FBXO34: variants seen among roughly 807,000 people sequenced by gnomAD.
The protein encoded by FBXO34 is F-box only protein 34.
In FBXO34, 12 loss-of-function variants were observed where a neutral mutation model predicts 24.5. That is an observed-to-expected ratio of 0.49 (90% CI 0.31 to 0.79). The LOEUF (loss-of-function observed/expected upper bound fraction) is 0.79, where lower values mean the gene tolerates loss of function less well. Ranked by LOEUF, FBXO34 falls within the 30% of genes least tolerant of loss-of-function variation. FBXO34 has a pLI of 0.04. For synonymous variants in FBXO34, 320 were observed against 311.9 expected (o/e 1.03, Z -0.27); for missense variants, 823 against 857.7 (o/e 0.96, Z 0.51).
chr14:55,281,201 C>T (rs1437383885), intron 1 of FBXO34, among the ~76,000 whole-genome samples: 2 of 141,956 alleles, frequency 1.4e-5, no homozygotes, highest in Admixed American at 1.5e-4. Context: ...TTATGGTGAG[C>T]TATGATCGTG....
the FBXO34 span, among the ~76,000 whole-genome samples, chr14:55,382,770 A>G: frequency 4.6e-5 from 7 of 152,220 alleles, no homozygotes; most frequent in Non-Finnish European, 8.8e-5. Flanking sequence ...AGGGCTGAAC[A>G]TATAAGGTTC....
At chr14:55,424,953 G>A in the FBXO34 span, among the ~76,000 whole-genome samples, 2 of 152,176 alleles carry the variant, frequency 1.3e-5, no homozygotes, top group Non-Finnish European at 2.9e-5. Context: ...GGAAGTGAGA[G>A]GAGGTGAATA....
the FBXO34 span, among the ~76,000 whole-genome samples, chr14:55,428,117 A>ATTTTTT: frequency 1.7e-4 from 8 of 48,350 alleles, no homozygotes; most frequent in South Asian, 7.9e-4. Context: ...CACATGCCTT[A>ATTTTTT]TCTTTTTTTT....
At chr14:55,416,679 A>T in the FBXO34 span, among the ~76,000 whole-genome samples, 1 of 152,166 alleles carries the variant, frequency 6.6e-6, no homozygotes, top group Non-Finnish European at 1.5e-5. Context: ...CTAAACAGTG[A>T]GTTGGTGAAG....
rs867243031 is a variant in FBXO34, at chr14:55,331,813, T to C, written c.-10-18568T>C. On this transcript the variant is annotated intron_variant, in intron 1 of 1. Coordinates refer to ENST00000313833, the MANE Select transcript of FBXO34 (RefSeq NM_017943.4). ...GTGTATATATAAATATATATATATATACACCACCGGGGTGTATATATAAAA... is the reference window on the plus strand; with the variant it reads ...GTGTATATATAAATATATATATATACACACCACCGGGGTGTATATATAAAA... Among the ~76,000 whole-genome samples the C allele has an allele frequency of 1.8e-3, 124 of 67,664 alleles. 36 individuals are homozygous for C. The highest frequency in any genetic ancestry group is 0.014 in the Middle Eastern group (2 of 144). The allele number at this position is 67,664 out of a possible 152,430, so 44.4% of individuals were successfully genotyped here. A position where few individuals can be genotyped will look rare whatever the true frequency, so the allele number is the denominator to read the frequency against.
the FBXO34 span, chr14:55,414,405 T>G: frequency 6.2e-7 from 1 of 1,607,578 alleles, no homozygotes; most frequent in Non-Finnish European, 8.5e-7. Context: ...CCTTTTAGAA[T>G]AGGATAGATG....
chr14:55,428,117 A>ATTTTTTTTT, the FBXO34 span, among the ~76,000 whole-genome samples: 6 of 48,328 alleles, frequency 1.2e-4, no homozygotes, highest in East Asian at 8.5e-4. Flanking sequence ...CACATGCCTT[A>ATTTTTTTTT]TCTTTTTTTT....
chr14:55,301,722 A>G (rs1882363493), intron 1 of FBXO34, among the ~76,000 whole-genome samples: 1 of 152,196 alleles, frequency 6.6e-6, no homozygotes, highest in Non-Finnish European at 1.5e-5. Context: ...GTGGCCAGGG[A>G]TGTCATGCCC....
chr14:55,408,438 G>T, the FBXO34 span, among the ~76,000 whole-genome samples: 1 of 152,128 alleles, frequency 6.6e-6, no homozygotes, highest in Admixed American at 6.5e-5. Context: ...GGGTTACAGG[G>T]TGAGACCCTG....
At chr14:55,331,393 A>C (rs1883527235) in intron 1 of FBXO34, among the ~76,000 whole-genome samples, 1 of 151,920 alleles carries the variant, frequency 6.6e-6, no homozygotes, top group Non-Finnish European at 1.5e-5. Context: ...TATATCCAAA[A>C]GAAGAAATGT....
the FBXO34 span, among the ~76,000 whole-genome samples, chr14:55,422,826 C>T: frequency 6.6e-6 from 1 of 152,062 alleles, no homozygotes; most frequent in African/African-American, 2.4e-5. Flanking sequence ...ATAGTCCAGC[C>T]TGGGCAACAG....
At chr14:55,303,091 A>G (rs894412526) in intron 1 of FBXO34, among the ~76,000 whole-genome samples, 2 of 151,674 alleles carry the variant, frequency 1.3e-5, no homozygotes, top group Non-Finnish European at 2.9e-5. Flanking sequence ...AAAACAGAAT[A>G]GTGCGTTTTA....
the FBXO34 span, among the ~76,000 whole-genome samples, chr14:55,422,490 T>A: frequency 6.6e-6 from 1 of 151,994 alleles, no homozygotes; most frequent in Admixed American, 6.6e-5. Flanking sequence ...ACCTCATAAT[T>A]CGCCTGCCTC....
At chr14:55,428,634 A>G in the FBXO34 span, among the ~76,000 whole-genome samples, 1 of 146,672 alleles carries the variant, frequency 6.8e-6, no homozygotes, top group African/African-American at 2.7e-5. Context: ...AAGACTGGGC[A>G]CATGTGGTAA....
intron 1 of FBXO34, among the ~76,000 whole-genome samples, chr14:55,340,062 CTA>C (rs1331960650): frequency 6.6e-6 from 1 of 152,112 alleles, no homozygotes; most frequent in Non-Finnish European, 1.5e-5. Flanking sequence ...TATAAGCAAA[CTA>C]TTATTTTTAG....
At chr14:55,441,355 T>C in the FBXO34 span, among the ~76,000 whole-genome samples, 1 of 151,714 alleles carries the variant, frequency 6.6e-6, no homozygotes, top group Admixed American at 6.6e-5. Flanking sequence ...AAGGTCTCGG[T>C]ATGTTACCTA....
intron 1 of FBXO34, among the ~76,000 whole-genome samples, chr14:55,305,742 C>G (rs937344419): frequency 1.3e-5 from 2 of 151,864 alleles, no homozygotes. Context: ...AATAAAATTA[C>G]GTTATAAAAA....
chr14:55,381,828 G>C, the FBXO34 span: 1 of 694,442 alleles, frequency 1.4e-6, no homozygotes, highest in Non-Finnish European at 2.4e-6. Flanking sequence ...ATGACATGGA[G>C]GTGATGGGAG....
At chr14:55,379,550 A>G in the FBXO34 span, among the ~76,000 whole-genome samples, 1 of 152,166 alleles carries the variant, frequency 6.6e-6, no homozygotes, top group Admixed American at 6.5e-5. Flanking sequence ...GTCTTAAGAA[A>G]AAGAAGAAAG....
Sources: allele counts gnomAD v4.1 joint callset (sites outside exome capture counted in the v4.1 genomes callset), GRCh38; gene constraint gnomAD v4.1.1; transcripts MANE v1.5; gene names NCBI Gene and HGNC (gene_info 2026-07-23, HGNC 2026-07-21).